Variants in ZCCHC17 observed in about 807,000 individuals in gnomAD.
ZCCHC17 encodes the protein zinc finger CCHC domain-containing protein 17.
ZCCHC17 carries 18 observed loss-of-function variants against 30.6 expected under a neutral mutation model. The ratio of observed to expected loss-of-function variants is 0.59; its 90% CI spans 0.41 to 0.87. The LOEUF (loss-of-function observed/expected upper bound fraction) is 0.87, where lower values mean the gene tolerates loss of function less well. ZCCHC17 is among the 40% of genes least tolerant of loss of function. ZCCHC17 has a pLI of 0.00. For synonymous variants in ZCCHC17, 88 were observed against 92.4 expected (o/e 0.95, Z 0.27); for missense variants, 263 against 284.2 (o/e 0.93, Z 0.54).
chr1:31,319,008 G>A, intron 2 of ZCCHC17, 101 bp from the exon 3 acceptor site: 1 of 1,352,422 alleles, frequency 7.4e-7, no homozygotes, highest in Non-Finnish European at 1.0e-6. Flanking sequence ...AGCATACAGA[G>A]GCAGTCAATA....
chr1:31,348,680 A>G, intron 6 of ZCCHC17, 149 bp from the exon 7 acceptor site: 2 of 932,628 alleles, frequency 2.1e-6, no homozygotes, highest in Admixed American at 4.5e-5. Context: ...GTGGTAGAAA[A>G]TCTACCCTGA....
chr1:31,313,447 GA>G (rs1646654752), intron 2 of ZCCHC17, among the ~76,000 whole-genome samples: 1 of 152,142 alleles, frequency 6.6e-6, no homozygotes, highest in Non-Finnish European at 1.5e-5. Context: ...TTATATGGTT[GA>G]CAAAAGTTTT....
chr1:31,355,178 TAAA>T lies in ZCCHC17; in HGVS notation c.564+6223_564+6225del, dbSNP rs59792081. 1.5e-4 allele frequency among the ~76,000 whole-genome samples: 20 copies of T among 137,744 alleles called. No individual in the cohort carries two copies. The East Asian group carries it at 2.4e-3, about 17-fold the overall frequency. The allele number at this position is 137,744 out of a possible 152,430, so 90.4% of individuals were successfully genotyped here. The stretch of plus-strand genomic sequence containing the variant: ...CGACAGAGTGAGACTCCATCTCAAT[TAAA>T]AAAAAAAAAAAAAAAAAAGTATCTT... On this transcript the variant is annotated intron_variant, in intron 7 of 7. Transcript: ENST00000344147.
intron 1 of ZCCHC17, among the ~76,000 whole-genome samples, chr1:31,300,829 G>C (rs929753557): frequency 6.6e-6 from 1 of 151,892 alleles, no homozygotes; most frequent in African/African-American, 2.4e-5. Flanking sequence ...CCAGCTACTC[G>C]GGAGGCTGAG....
intron 5 of ZCCHC17, 165 bp from the exon 6 acceptor site, chr1:31,346,475 C>T: frequency 1.6e-6 from 1 of 629,110 alleles, no homozygotes; most frequent in East Asian, 2.9e-5. Flanking sequence ...TAATTTAGGG[C>T]TATTTCACAT....
chr1:31,364,238 G>T lies in ZCCHC17; in HGVS notation c.*45G>T. On this transcript the variant is annotated 3_prime_UTR_variant, in exon 8 of 8. Coordinates refer to ENST00000344147, the MANE Select transcript of ZCCHC17 (RefSeq NM_016505.4). ...GGTGGTTGAGAGTAAGAAACCAGGA[G>T]CCTTGTGCCTTGAGACTCCTGGAAA... The T allele has an allele frequency of 6.4e-7, 1 of 1,572,854 alleles. No homozygotes were observed. The highest frequency in any genetic ancestry group is 8.6e-7 in the Non-Finnish European group (1 of 1,162,926).
intron 1 of ZCCHC17, among the ~76,000 whole-genome samples, chr1:31,297,857 G>A (rs1230180932): frequency 6.6e-6 from 1 of 152,228 alleles, no homozygotes; most frequent in African/African-American, 2.4e-5. Flanking sequence ...GCACTTGGGA[G>A]GAAAATGACT....
rs779039449 is a variant in ZCCHC17, at chr1:31,337,253, G to T, written c.203G>T (p.Trp68Leu). 2 of 1,614,102 alleles carry T rather than the reference G, an allele frequency of 1.2e-6. No individual in the cohort carries two copies. Among genetic ancestry groups the T allele is most frequent in the Admixed American group, 1.7e-5 (1 of 60,014 alleles). ...ATAGTAGATGTTGGAGATAAAGTGT[G>T]GGTGAAGCTTATTGGCCGAGAGGTA... ...SEIVDVGDKV[W>L]VKLIGREMKN... The change falls in exon 4 of 8, where the codon TGG becomes TTG. Residue 68 changes from tryptophan to leucine, a missense_variant. Physicochemically the swap from Trp to Leu is moderately conservative, Grantham distance 61. Coordinates refer to ENST00000344147, the MANE Select transcript of ZCCHC17 (RefSeq NM_016505.4).
rs935323812 is a variant in ZCCHC17 at position 31,297,069 on chromosome 1, A to G, written c.-62A>G. ...GCAGCGACTCGGGGACCTGGAGCTGACGCCTAGTACGTATGAGGAAGAACG... is the reference window on the plus strand; with the variant it reads ...GCAGCGACTCGGGGACCTGGAGCTGGCGCCTAGTACGTATGAGGAAGAACG... On this transcript the variant is annotated 5_prime_UTR_variant, in exon 1 of 8. Transcript: ENST00000344147. 2.3e-6 allele frequency: 1 copy of G among 435,904 alleles called. No individual in the cohort carries two copies. Among genetic ancestry groups the G allele is most frequent in the African/African-American group, 2.0e-5 (1 of 49,184 alleles). 27.0% of individuals were successfully genotyped at this position (435,904 alleles called of 1,614,324 possible). A position where few individuals can be genotyped will look rare whatever the true frequency, so the allele number is the denominator to read the frequency against.
chr1:31,323,035 A>G (rs571966367), intron 3 of ZCCHC17, among the ~76,000 whole-genome samples: 4 of 151,858 alleles, frequency 2.6e-5, no homozygotes, highest in Admixed American at 6.5e-5. Context: ...TGAAATTTCT[A>G]ACCCTATCTA....
rs1019492433 is a variant in ZCCHC17 at position 31,359,659 on chromosome 1, A to T, written c.565-4373A>T. Among the ~76,000 whole-genome samples the T allele has an allele frequency of 2.0e-5, 3 of 152,150 alleles. No homozygotes were observed. In the South Asian group the frequency reaches 6.2e-4, roughly 32 times the overall value. ...GCTGCTGCTATCCTGTTTCAGAACT[A>T]TAGTGAAAATGGGTAGACTAGCTGC... On this transcript the variant is annotated intron_variant, in intron 7 of 7. Coordinates refer to ENST00000344147, the MANE Select transcript of ZCCHC17 (RefSeq NM_016505.4).
intron 2 of ZCCHC17, among the ~76,000 whole-genome samples, chr1:31,313,847 T>TTTCTC (rs370782391): frequency 2.6e-5 from 4 of 151,776 alleles, no homozygotes; most frequent in South Asian, 2.1e-4. Context: ...GCTCTTTTCT[T>TTTCTC]TTCTCTTCTC....
At chr1:31,326,859 T>C (rs1284784317) in intron 3 of ZCCHC17, among the ~76,000 whole-genome samples, 1 of 152,198 alleles carries the variant, frequency 6.6e-6, no homozygotes, top group Admixed American at 6.5e-5. Context: ...TGTATCTTAG[T>C]TTCTCTGCCC....
At chr1:31,357,040 G>A (rs1042046455) in intron 7 of ZCCHC17, among the ~76,000 whole-genome samples, 1 of 152,202 alleles carries the variant, frequency 6.6e-6, no homozygotes, top group African/African-American at 2.4e-5. Context: ...GTTATGTTAT[G>A]AAGAAGTAAG....
At chr1:31,362,184 G>A (rs1022268956) in intron 7 of ZCCHC17, among the ~76,000 whole-genome samples, 4 of 152,188 alleles carry the variant, frequency 2.6e-5, no homozygotes, top group African/African-American at 9.7e-5. Flanking sequence ...CTTGCCCACG[G>A]ATGCAGAATA....
At chr1:31,318,895 A>T (rs1220185528) in intron 2 of ZCCHC17, among the ~76,000 whole-genome samples, 1 of 152,096 alleles carries the variant, frequency 6.6e-6, no homozygotes, top group Non-Finnish European at 1.5e-5. Context: ...TAACACTCTA[A>T]TCTCCCAGTG....
At chr1:31,349,004 T>C in intron 7 of ZCCHC17, 30 bp downstream of exon 7, 2 of 1,540,470 alleles carry the variant, frequency 1.3e-6, no homozygotes, top group Non-Finnish European at 1.7e-6. Flanking sequence ...TATTTTATCA[T>C]GTCTTTTTCA....
At chr1:31,321,614 AC>A (rs757404857) in intron 3 of ZCCHC17, among the ~76,000 whole-genome samples, 38 of 152,260 alleles carry the variant, frequency 2.5e-4, no homozygotes, top group Non-Finnish European at 4.4e-4. Flanking sequence ...AGCTGGGATT[AC>A]AGGCATGTGC....
intron 1 of ZCCHC17, among the ~76,000 whole-genome samples, chr1:31,298,418 C>T (rs1324444804): frequency 6.8e-6 from 1 of 147,110 alleles, no homozygotes; most frequent in Non-Finnish European, 1.5e-5. Context: ...CAGGTTCTTG[C>T]TCTGTCGCCC....
Sources: allele counts gnomAD v4.1 joint callset (sites outside exome capture counted in the v4.1 genomes callset), GRCh38; gene constraint gnomAD v4.1.1; transcripts MANE v1.5; gene names NCBI Gene and HGNC (gene_info 2026-07-23, HGNC 2026-07-21).